Variants in MALRD1 observed in about 807,000 individuals in gnomAD.
MALRD1 encodes the protein MAM and LDL-receptor class A domain-containing protein 1.
Under a neutral mutation model 242.1 loss-of-function variants are expected in MALRD1, and 247 were observed. The ratio of observed to expected loss-of-function variants is 1.02; its 90% CI spans 0.92 to 1.13. MALRD1 has a LOEUF of 1.13. Among genes scored for constraint, MALRD1 ranks in the 50% most tolerant of loss-of-function variants. The pLI, the probability that MALRD1 is intolerant of heterozygous loss-of-function variation, is 0.00. For synonymous variants in MALRD1, 995 were observed against 866.6 expected, an observed-to-expected ratio of 1.15 and a Z score of -2.60; for missense variants, 2,989 against 2,533.1, an observed-to-expected ratio of 1.18 and a Z score of -3.86.
At chr10:19,581,494 T>G (rs530472797) in intron 33 of MALRD1, among the ~76,000 whole-genome samples, 73 of 151,690 alleles carry the variant, frequency 4.8e-4, no homozygotes, top group African/African-American at 1.7e-3. Context: ...CTTGTGACAG[T>G]TTACTGAGAA....
At position 19,656,549 on chromosome 10, in the gene MALRD1, G is replaced by A. The variant is rs1303572069; in HGVS notation, c.6138-35733G>A. Among the ~76,000 whole-genome samples, 6 of 152,086 alleles carry A rather than the reference G, an allele frequency of 3.9e-5. No homozygotes were observed. The South Asian group carries it at 1.0e-3, about 26-fold the overall frequency. ...TATTCCTTTTGCTACTGTGGCCCAA[G>A]CAACCCTGGCAGTATTTCACACAGC... is the stretch of plus-strand genomic sequence containing the variant. On this transcript the variant is annotated intron_variant, in intron 36 of 39. Coordinates refer to ENST00000454679, the MANE Select transcript of MALRD1 (RefSeq NM_001142308.3).
chr10:19,667,226 G>A lies in MALRD1; in HGVS notation c.6138-25056G>A, dbSNP rs80009256. Among the ~76,000 whole-genome samples, 920 of 152,194 alleles carry A rather than the reference G, an allele frequency of 6.0e-3. 17 individuals are homozygous for A. Among genetic ancestry groups the A allele is most frequent in the East Asian group, 0.041 (211 of 5,164 alleles). On this transcript the variant is annotated intron_variant, in intron 36 of 39. Coordinates refer to ENST00000454679, the MANE Select transcript of MALRD1 (RefSeq NM_001142308.3). ...AATCCTAGTGCTTTAGGAGGCTGAG[G>A]CGAAGGATTGCTTGAAGCCAGGAGT...
At chr10:19,450,530 T>G (rs6415957) in intron 29 of MALRD1, 40 bp downstream of exon 29, 1,444,954 of 1,507,032 alleles carry the variant, frequency 0.96, 692,877 homozygotes, top group East Asian at 1. Flanking sequence ...AAGCACATTT[T>G]TAATCTAGCC....
At chr10:19,097,623 C>T (rs930245691) in intron 4 of MALRD1, among the ~76,000 whole-genome samples, 7 of 152,130 alleles carry the variant, frequency 4.6e-5, no homozygotes, top group Non-Finnish European at 5.9e-5. Flanking sequence ...ACCAGAGTGA[C>T]CCCATCTTGA....
intron 21 of MALRD1, among the ~76,000 whole-genome samples, chr10:19,287,062 C>A (rs1332691618): frequency 1.3e-5 from 2 of 152,092 alleles, no homozygotes; most frequent in Non-Finnish European, 2.9e-5. Context: ...TTATGTCTAC[C>A]TCTTTCATCT....
At chr10:19,498,461 C>G in intron 30 of MALRD1, 24 bp from the exon 31 acceptor site, 1 of 1,530,540 alleles carries the variant, frequency 6.5e-7, no homozygotes, top group Non-Finnish European at 8.8e-7. Context: ...TCCAGAAATT[C>G]CATTAATGTT....
intron 38 of MALRD1, among the ~76,000 whole-genome samples, chr10:19,720,598 A>G (rs1834699093): frequency 1.3e-5 from 2 of 152,174 alleles, no homozygotes; most frequent in Non-Finnish European, 2.9e-5. Context: ...TATCCATTTC[A>G]CGAACTCTCC....
intron 32 of MALRD1, among the ~76,000 whole-genome samples, chr10:19,531,827 A>T (rs1349436309): frequency 2.0e-5 from 3 of 152,210 alleles, no homozygotes; most frequent in African/African-American, 7.2e-5. Flanking sequence ...ATCTGTACCA[A>T]ATGCAGATAC....
chr10:19,615,229 A>G (rs2131608935), intron 35 of MALRD1, among the ~76,000 whole-genome samples: 1 of 152,164 alleles, frequency 6.6e-6, no homozygotes, highest in Non-Finnish European at 1.5e-5. Context: ...GTCAATTAAT[A>G]AAAAGAGGTC....
chr10:19,587,797 T>G (rs1158349445), intron 33 of MALRD1, among the ~76,000 whole-genome samples: 2 of 152,128 alleles, frequency 1.3e-5, no homozygotes, highest in Admixed American at 1.3e-4. Flanking sequence ...TGCCAGGAAT[T>G]GGAACTGTCT....
chr10:19,178,087 A>G (rs1391564130), intron 14 of MALRD1, among the ~76,000 whole-genome samples: 2 of 152,146 alleles, frequency 1.3e-5, no homozygotes, highest in Admixed American at 1.3e-4. Context: ...AATCATTACT[A>G]AAGTTAACCT....
intron 1 of MALRD1, chr10:19,052,132 T>C: frequency 2.2e-6 from 1 of 449,230 alleles, no homozygotes; most frequent in African/African-American, 2.1e-5. Context: ...ATCAAAGTTG[T>C]CTTGCAAGAG....
At chr10:19,065,863 A>G (rs1834964209) in intron 1 of MALRD1, among the ~76,000 whole-genome samples, 1 of 152,200 alleles carries the variant, frequency 6.6e-6, no homozygotes, top group African/African-American at 2.4e-5. Context: ...AGTACGTCTC[A>G]GCCACTGATG....
chr10:19,596,648 T>C (rs1838113140), intron 34 of MALRD1, among the ~76,000 whole-genome samples: 1 of 151,946 alleles, frequency 6.6e-6, no homozygotes, highest in African/African-American at 2.4e-5. Flanking sequence ...GAAGGATTGC[T>C]TGGGCCCAGG....
intron 17 of MALRD1, among the ~76,000 whole-genome samples, chr10:19,207,288 T>G (rs2131623433): frequency 6.6e-6 from 1 of 152,332 alleles, no homozygotes. Flanking sequence ...TTTATACCAT[T>G]TATTCTACAG....
At position 19,607,778 on chromosome 10, in the gene MALRD1, C is replaced by T. The variant is rs1478729043; in HGVS notation, c.5946C>T (p.Ser1982=). 3.2e-6 allele frequency: 5 copies of T among 1,544,050 alleles called. No individual in the cohort carries two copies. In the African/African-American group the frequency reaches 4.1e-5, roughly 13 times the overall value. Residue 1982 remains serine (S), a splice_region_variant and synonymous_variant, in exon 35 of 40, where the codon TCC becomes TCT. Transcript: ENST00000454679. ...ATCATTATTCTTTTTTTTTTGCAGC[C>T]AACAAAAGCTGTTCTAATGGAGCTC... ...CHFNEDELIC[S]NKSCSNGALV...
intron 5 of MALRD1, among the ~76,000 whole-genome samples, chr10:19,117,092 CT>C (rs1288093318): frequency 2.3e-5 from 3 of 132,708 alleles, no homozygotes; most frequent in Non-Finnish European, 3.1e-5. Context: ...GAGACTCTGT[CT>C]CAAAAAAAAA....
At chr10:19,622,714 T>C (rs12254831) in intron 36 of MALRD1, among the ~76,000 whole-genome samples, 8,479 of 150,956 alleles carry the variant, frequency 0.056, 690 homozygotes, top group African/African-American at 0.18. Flanking sequence ...TGAGTACTAC[T>C]GAGCTTTGTA....
At chr10:19,611,060 T>C (rs1442146312) in intron 35 of MALRD1, among the ~76,000 whole-genome samples, 1 of 151,920 alleles carries the variant, frequency 6.6e-6, no homozygotes, top group Non-Finnish European at 1.5e-5. Flanking sequence ...CCCCCCAGTA[T>C]AGAAAGATGA....
Sources: allele counts gnomAD v4.1 joint callset (sites outside exome capture counted in the v4.1 genomes callset), GRCh38; gene constraint gnomAD v4.1.1; transcripts MANE v1.5; gene names NCBI Gene and HGNC (gene_info 2026-07-23, HGNC 2026-07-21).